The following MAPRE2 variants were observed in gnomAD, a reference collection of about 807,000 sequenced individuals.
MAPRE2 encodes microtubule associated protein RP/EB family member 2.
In MAPRE2, 13 loss-of-function variants were observed where a neutral mutation model predicts 43.2. That is an observed-to-expected ratio of 0.30 (90% CI 0.20 to 0.48). The LOEUF is 0.48. Among genes scored for constraint, MAPRE2 ranks in the 20% least tolerant of loss-of-function variants. The probability of loss-of-function intolerance (pLI) is 0.99; values close to 1 mark genes in which losing one functional copy is unlikely to be tolerated. For missense variants in MAPRE2, 161 were observed against 400.2 expected (o/e 0.40, Z 5.10); for synonymous variants, 135 against 148.8 (o/e 0.91, Z 0.68).
Position 34,983,337 on chromosome 18 carries a change from C to T in MAPRE2, c.-70+6258C>T, listed in dbSNP as rs140808496. 1.3e-3 allele frequency among the ~76,000 whole-genome samples: 204 copies of T among 152,258 alleles called. 1 individual carries two copies. The highest frequency in any genetic ancestry group is 4.5e-3 in the African/African-American group (186 of 41,538). ...ACGGTCAACTGTAAAACTTCTGAAT[C>T]CAAACAAGCCCAAATAGTGCAATAC... is the stretch of plus-strand genomic sequence containing the variant. On this transcript the variant is annotated intron_variant, in intron 1 of 7. Coordinates refer to the MAPRE2 transcript ENST00000413393.
chr18:35,084,720 A>G (rs919657974), intron 2 of MAPRE2, among the ~76,000 whole-genome samples: 5 of 152,212 alleles, frequency 3.3e-5, no homozygotes, highest in African/African-American at 4.8e-5. Flanking sequence ...TTTCCTCTAC[A>G]TGGGATCAGT....
intron 3 of MAPRE2, 115 bp from the exon 4 acceptor site, chr18:35,101,831 C>T (rs113236014): frequency 1.6e-5 from 12 of 730,358 alleles, no homozygotes; most frequent in African/African-American, 7.2e-5. Context: ...CTATTATAAA[C>T]AGTGCTGCCA....
chr18:35,110,302 G>A (rs1201636112), intron 4 of MAPRE2, among the ~76,000 whole-genome samples: 2 of 152,124 alleles, frequency 1.3e-5, no homozygotes, highest in Non-Finnish European at 2.9e-5. Context: ...ATGAGAAACA[G>A]AATGTAAAAC....
chr18:35,056,651 C>A (rs898605629), intron 1 of MAPRE2, among the ~76,000 whole-genome samples: 9 of 152,214 alleles, frequency 5.9e-5, no homozygotes, highest in Admixed American at 3.9e-4. Flanking sequence ...ATCCACTGAC[C>A]CTTCTTATTT....
At chr18:34,980,753 A>G (rs1373460709) in intron 1 of MAPRE2, among the ~76,000 whole-genome samples, 1 of 152,218 alleles carries the variant, frequency 6.6e-6, no homozygotes, top group Non-Finnish European at 1.5e-5. Flanking sequence ...CTAATGGGCC[A>G]AAACAATCAC....
rs760616219 is a variant in MAPRE2, at chr18:35,127,000, C to A, written c.663C>A (p.Pro221=). Residue 221 remains proline (P), a synonymous_variant, in exon 5 of 7, where the codon CCC becomes CCA. Transcript: ENST00000300249. The stretch of plus-strand genomic sequence containing the variant: ...AACCAGGATCCACACCTTCTCGACC[C>A]TCATCAGCCAAAAGGGCTTCTTCCA... The part of the protein sequence containing the change: ...AAKPGSTPSR[P]SSAKRASSSG... 1.1e-5 allele frequency: 17 copies of A among 1,614,142 alleles called. No homozygotes were observed. The highest frequency in any genetic ancestry group is 1.4e-5 in the Non-Finnish European group (16 of 1,180,004).
At chr18:35,017,573 T>G (rs1016654058) in intron 2 of MAPRE2, among the ~76,000 whole-genome samples, 2 of 151,256 alleles carry the variant, frequency 1.3e-5, no homozygotes, top group South Asian at 4.2e-4. Flanking sequence ...GTTTTTTGTT[T>G]TTTTTTTACA....
intron 2 of MAPRE2, chr18:35,005,577 G>T: frequency 7.0e-7 from 1 of 1,431,270 alleles, no homozygotes; most frequent in South Asian, 1.4e-5. Flanking sequence ...AAATTACGTT[G>T]CATGACTCCT....
In MAPRE2 at chr18:35,097,561, A is replaced by G. The variant is rs967194382; in HGVS notation, c.366A>G (p.Gln122=). The G allele has an allele frequency of 6.2e-7, 1 of 1,613,434 alleles. No individual in the cohort carries two copies. The highest frequency in any genetic ancestry group is 1.3e-5 in the African/African-American group (1 of 74,918). The change falls in exon 3 of 7, where the codon CAA becomes CAG. Residue 122 remains glutamine (Q), a synonymous_variant. Coordinates refer to ENST00000300249, the MANE Select transcript of MAPRE2 (RefSeq NM_014268.4). ...ATATTCACAATTTTAAACTTCTGCA[A>G]GCATCATTTAAGCGAATGAACGTTG... ...HEYIHNFKLL[Q]ASFKRMNVDK... is the part of the protein sequence containing the mutation.
chr18:35,003,598 A>G (rs1372185547), intron 1 of MAPRE2, among the ~76,000 whole-genome samples: 4 of 152,242 alleles, frequency 2.6e-5, no homozygotes, highest in African/African-American at 7.2e-5. Flanking sequence ...AAAAAGGCCA[A>G]TTGTATACAG....
chr18:34,989,556 T>C (rs2097022699), intron 1 of MAPRE2, among the ~76,000 whole-genome samples: 1 of 152,012 alleles, frequency 6.6e-6, no homozygotes, highest in African/African-American at 2.4e-5. Flanking sequence ...CCAAAAAATT[T>C]TGAAAAAATT....
upstream of MAPRE2, among the ~76,000 whole-genome samples, chr18:35,038,429 C>A (rs1266442253): frequency 6.6e-6 from 1 of 152,218 alleles, no homozygotes; most frequent in Non-Finnish European, 1.5e-5. Context: ...GGGAGACCCT[C>A]TTTATGGCAG....
rs1910587224 is a variant in MAPRE2, at chr18:35,140,512, C to G, written c.*143C>G. 1.3e-6 allele frequency: 1 copy of G among 797,448 alleles called. No individual in the cohort carries two copies. The highest frequency in any genetic ancestry group is 2.0e-6 in the Non-Finnish European group (1 of 507,000). The allele number at this position is 797,448 out of a possible 1,614,324, so 49.4% of individuals were successfully genotyped here. A position where few individuals can be genotyped will look rare whatever the true frequency, so the allele number is the denominator to read the frequency against. ...TCAACGCACTGTTGCATATGCCAGCCACTGCGCTTGGTTCCCATTTTCTTT... is the reference window on the plus strand; with the variant it reads ...TCAACGCACTGTTGCATATGCCAGCGACTGCGCTTGGTTCCCATTTTCTTT... On this transcript the variant is annotated 3_prime_UTR_variant, in exon 7 of 7. Coordinates refer to ENST00000300249, the MANE Select transcript of MAPRE2 (RefSeq NM_014268.4).
intron 2 of MAPRE2, among the ~76,000 whole-genome samples, chr18:35,084,778 T>C (rs1296908919): frequency 6.6e-6 from 1 of 152,224 alleles, no homozygotes; most frequent in Non-Finnish European, 1.5e-5. Flanking sequence ...AATAAAAAGC[T>C]TCTGACAATG....
chr18:35,033,820 C>A (rs1406234022), intron 2 of MAPRE2, among the ~76,000 whole-genome samples: 3 of 147,318 alleles, frequency 2.0e-5, no homozygotes, highest in Non-Finnish European at 4.5e-5. Flanking sequence ...TGTGAAGGAC[C>A]TCTTCAAGGA....
intron 2 of MAPRE2, among the ~76,000 whole-genome samples, chr18:35,015,041 T>C (rs1293725242): frequency 6.6e-6 from 1 of 152,180 alleles, no homozygotes; most frequent in Non-Finnish European, 1.5e-5. Flanking sequence ...AGAATGCTAC[T>C]GCTGTCTCAC....
intron 2 of MAPRE2, among the ~76,000 whole-genome samples, chr18:35,075,762 A>G (rs1907320011): frequency 6.6e-6 from 1 of 152,162 alleles, no homozygotes; most frequent in South Asian, 2.1e-4. Context: ...GACAAAAAAA[A>G]AAGAGTTGGA....
intron 1 of MAPRE2, 83 bp downstream of exon 1, chr18:35,041,744 A>G (rs1905379901): frequency 6.2e-7 from 1 of 1,601,762 alleles, no homozygotes; most frequent in Non-Finnish European, 8.5e-7. Context: ...TGGAGCAGAC[A>G]CTGCCTGCGA....
chr18:34,993,449 CAAG>C (rs1315485469), intron 1 of MAPRE2, among the ~76,000 whole-genome samples: 3 of 151,890 alleles, frequency 2.0e-5, no homozygotes. Context: ...CATGCAAGAA[CAAG>C]AAGAAAATAG....
Sources: gnomAD v4.1 joint callset for allele counts (sites outside exome capture counted in the v4.1 genomes callset) on GRCh38, gnomAD v4.1.1 for gene constraint, MANE v1.5 for transcripts, NCBI Gene and HGNC (gene_info 2026-07-23, HGNC 2026-07-21) for gene names.